Variants in CTNND2 observed in about 807,000 individuals in gnomAD.
The protein encoded by CTNND2 is catenin delta 2, also known as catenin delta-2.
Under a neutral mutation model 144.4 loss-of-function variants are expected in CTNND2, and 22 were observed. That is an observed-to-expected ratio of 0.15 (90% CI 0.11 to 0.22). The LOEUF is 0.22. CTNND2 is among the 10% of genes least tolerant of loss of function. CTNND2 has a pLI of 1.00. For missense variants in CTNND2, 1,353 were observed against 1,618.8 expected (o/e 0.84, Z 2.82); for synonymous variants, 751 against 695.6 (o/e 1.08, Z -1.25).
intron 2 of CTNND2, among the ~76,000 whole-genome samples, chr5:11,662,195 GTGTATATATGTATATATATA>G (rs1561669092): frequency 7.4e-6 from 1 of 134,964 alleles, no homozygotes; most frequent in African/African-American, 2.9e-5. Flanking sequence ...GTGTATATAT[GTGTATATATGTATATATATA>G]CATATATGTG....
chr5:11,901,782 C>T (rs955304689), intron 1 of CTNND2, among the ~76,000 whole-genome samples: 4 of 152,158 alleles, frequency 2.6e-5, no homozygotes, highest in African/African-American at 9.7e-5. Context: ...TTCACATGCC[C>T]ATCGGCCGCT....
At chr5:11,441,899 T>G (rs1020375829) in intron 3 of CTNND2, among the ~76,000 whole-genome samples, 1 of 152,200 alleles carries the variant, frequency 6.6e-6, no homozygotes, top group African/African-American at 2.4e-5. Flanking sequence ...AACTTACGCT[T>G]TTTTCCATCT....
At chr5:11,273,809 C>T (rs1746257591) in intron 9 of CTNND2, among the ~76,000 whole-genome samples, 1 of 152,088 alleles carries the variant, frequency 6.6e-6, no homozygotes, top group African/African-American at 2.4e-5. Flanking sequence ...GGTTAGCTCC[C>T]TCTGTGTATA....
At chr5:11,125,763 C>A (rs6866025) in intron 12 of CTNND2, among the ~76,000 whole-genome samples, 4 of 152,116 alleles carry the variant, frequency 2.6e-5, no homozygotes, top group Admixed American at 6.6e-5. Context: ...ATTAAGACAG[C>A]GGGGGAAATG....
At chr5:11,153,093 A>G (rs534060793) in intron 12 of CTNND2, among the ~76,000 whole-genome samples, 1 of 152,192 alleles carries the variant, frequency 6.6e-6, no homozygotes, top group African/African-American at 2.4e-5. Context: ...GTGAAACCCC[A>G]TCTCTACTAA....
intron 3 of CTNND2, among the ~76,000 whole-genome samples, chr5:11,451,752 ATC>A (rs1241079657): frequency 3.9e-5 from 6 of 152,254 alleles, no homozygotes; most frequent in African/African-American, 1.4e-4. Context: ...CACGTTCAAG[ATC>A]TGTTTGCTAA....
chr5:11,110,686 T>C (rs1244668186), intron 14 of CTNND2, among the ~76,000 whole-genome samples, 172 bp downstream of exon 14: 1 of 152,160 alleles, frequency 6.6e-6, no homozygotes, highest in Non-Finnish European at 1.5e-5. Flanking sequence ...AGGGAAATCA[T>C]TTCATGTCCC....
intron 2 of CTNND2, among the ~76,000 whole-genome samples, chr5:11,600,089 A>C (rs1429513613): frequency 6.6e-6 from 1 of 152,180 alleles, no homozygotes; most frequent in African/African-American, 2.4e-5. Context: ...ATGTGACTTA[A>C]ATTTCCATTC....
In CTNND2 at chr5:10,972,052, T is replaced by C. The variant is rs1300813194; in HGVS notation, c.*1401A>G. The C allele has an allele frequency of 6.6e-6, 1 of 152,662 alleles. No homozygotes were observed. The highest frequency in any genetic ancestry group is 2.4e-5 in the African/African-American group (1 of 41,462). The allele number at this position is 152,662 out of a possible 1,614,324, so 9.5% of individuals were successfully genotyped here. A position where few individuals can be genotyped will look rare whatever the true frequency, so the allele number is the denominator to read the frequency against. ...AATCTATTCCATAGTTGTGTACTGCTCCCTGCCACATGAACAAAAAGTTTG... is the reference window on the plus strand; with the variant it reads ...AATCTATTCCATAGTTGTGTACTGCCCCCTGCCACATGAACAAAAAGTTTG... On this transcript the variant is annotated 3_prime_UTR_variant, in exon 22 of 22. Coordinates refer to ENST00000304623, the MANE Select transcript of CTNND2 (RefSeq NM_001332.4).
intron 1 of CTNND2, among the ~76,000 whole-genome samples, chr5:11,780,020 T>C (rs1790458258): frequency 6.6e-6 from 1 of 152,144 alleles, no homozygotes; most frequent in Admixed American, 6.5e-5. Context: ...CCATTTAACC[T>C]TCCCTGTTGA....
At chr5:11,299,349 A>AACAAG (rs1749336904) in intron 9 of CTNND2, among the ~76,000 whole-genome samples, 1 of 152,172 alleles carries the variant, frequency 6.6e-6, no homozygotes, top group East Asian at 1.9e-4. Flanking sequence ...AGACCTCGTT[A>AACAAG]CTGCCATCGC....
intron 2 of CTNND2, among the ~76,000 whole-genome samples, chr5:11,693,173 G>A (rs1398849451): frequency 1.3e-5 from 2 of 152,156 alleles, no homozygotes; most frequent in Admixed American, 1.3e-4. Context: ...TCCACCAGAT[G>A]AGGACGCGGG....
chr5:11,464,745 G>A (rs61758934), intron 3 of CTNND2, among the ~76,000 whole-genome samples: 55 of 152,300 alleles, frequency 3.6e-4, no homozygotes, highest in African/African-American at 1.3e-3. Flanking sequence ...ATCCTGGCTA[G>A]ATTATGAAAA....
intron 16 of CTNND2, among the ~76,000 whole-genome samples, chr5:11,074,869 C>T (rs533211096): frequency 2.0e-4 from 30 of 152,196 alleles, no homozygotes; most frequent in African/African-American, 6.7e-4. Flanking sequence ...TTACAATGTG[C>T]AGATCAAATC....
In CTNND2 at chr5:10,973,633, A is replaced by G. The variant is rs546813042; in HGVS notation, c.3498T>C (p.Asn1166=). ...TYQPFQNSTR[N]YDESFFEDQV... is the part of the protein sequence containing the mutation. ...GGTCCTCGAAGAAGGACTCATCGTA[A>G]TTTCTTGTGGAATTCTGAAATGGCT... Residue 1166 remains asparagine (N), a synonymous_variant, in exon 22 of 22, where the codon AAT becomes AAC. Transcript: ENST00000304623. The surrounding 1 kb of genome is among the most constrained non-coding windows in gnomAD (Gnocchi z 5.6). 8 of 1,614,094 alleles carry G rather than the reference A, an allele frequency of 5.0e-6. No homozygotes were observed. The East Asian group carries it at 1.6e-4, about 31-fold the overall frequency.
At chr5:11,260,576 C>T (rs1296828511) in intron 9 of CTNND2, among the ~76,000 whole-genome samples, 1 of 152,068 alleles carries the variant, frequency 6.6e-6, no homozygotes, top group African/African-American at 2.4e-5. Context: ...TTCTTGCTAC[C>T]TCATCCCACA....
At chr5:11,565,162 T>A in intron 2 of CTNND2, 106 bp from the exon 3 acceptor site, 1 of 766,850 alleles carries the variant, frequency 1.3e-6, no homozygotes. Context: ...TTTTCCAAGA[T>A]GTCAAATTTG....
At chr5:11,008,671 C>T (rs1049943033) in intron 18 of CTNND2, among the ~76,000 whole-genome samples, 33 of 152,138 alleles carry the variant, frequency 2.2e-4, no homozygotes, top group Non-Finnish European at 1.2e-4. Flanking sequence ...ACCTTCCACT[C>T]GGAGTTGCAA....
chr5:11,649,375 T>G (rs780918212), intron 2 of CTNND2, among the ~76,000 whole-genome samples: 2 of 152,130 alleles, frequency 1.3e-5, no homozygotes, highest in Non-Finnish European at 2.9e-5. Context: ...TGGAGTGCAG[T>G]GGTGTTATCT....
Sources: gnomAD v4.1 joint callset for allele counts (sites outside exome capture counted in the v4.1 genomes callset) on GRCh38, gnomAD v4.1.1 for gene constraint, Gnocchi (gnomAD v3.1) non-coding constraint, MANE v1.5 for transcripts, NCBI Gene and HGNC (gene_info 2026-07-23, HGNC 2026-07-21) for gene names.